The following NECTIN4 variants were observed in gnomAD, a reference collection of about 807,000 sequenced individuals.
NECTIN4 encodes the protein nectin-4.
In NECTIN4, 19 loss-of-function variants were observed where a neutral mutation model predicts 51.7. The observed-to-expected ratio is 0.37, with a 90% CI of 0.26 to 0.54. The LOEUF is 0.54. Ranked by LOEUF, NECTIN4 falls within the 20% of genes least tolerant of loss-of-function variation. The probability of loss-of-function intolerance (pLI) is 0.86; values close to 1 mark genes in which losing one functional copy is unlikely to be tolerated. For missense variants in NECTIN4, 619 were observed against 662.4 expected (o/e 0.93, Z 0.72); for synonymous variants, 283 against 286.9 (o/e 0.99, Z 0.14).
intron 1 of NECTIN4, chr1:161,084,914 T>G (rs1653864542): frequency 6.6e-6 from 1 of 151,708 alleles, no homozygotes; most frequent in Non-Finnish European, 1.5e-5. Flanking sequence ...CTTTGTTAAC[T>G]CCTGCCTCCC....
rs751755683 is a variant in NECTIN4 at position 161,079,754 on chromosome 1, G to A, written c.275C>T (p.Pro92Leu). 8 of 1,611,616 alleles carry A rather than the reference G, an allele frequency of 5.0e-6. No individual in the cohort carries two copies. In the Admixed American group the frequency reaches 1.3e-4, roughly 27 times the overall value. The part of the protein sequence containing the change: ...LHSKYGLHVS[P>L]AYEGRVEQPP... ...CTGCTCCACGCGGCCCTCGTAAGCC[G>A]GGCTCACATGAAGCCCGTATTTGGA... Residue 92 changes from proline to leucine, a missense_variant, in exon 2 of 9, where the codon CCG (proline) becomes CTG (leucine). This residue lies in a region of NECTIN4 where 218 missense variants were observed against 186.3 expected (regional missense o/e 1.17). Transcript: ENST00000368012.
Position 161,071,717 on chromosome 1 carries a change from G to C in NECTIN4, c.*944C>G, listed in dbSNP as rs1457918992. The C allele has an allele frequency of 6.6e-6, 1 of 151,610 alleles. No homozygotes were observed. 9.4% of individuals were successfully genotyped at this position (151,610 alleles called of 1,614,324 possible). Reference sequence around the variant, plus strand: ...TTAATTTTTTTTTTCTCTTCGTAAAGGATTCAAAGCAGGCACAGTGGTGTA... The same window carrying C: ...TTAATTTTTTTTTTCTCTTCGTAAACGATTCAAAGCAGGCACAGTGGTGTA... On this transcript the variant is annotated 3_prime_UTR_variant, in exon 9 of 9. Coordinates refer to ENST00000368012, the MANE Select transcript of NECTIN4 (RefSeq NM_030916.3).
rs1654105283 is a variant in NECTIN4 at position 161,089,523 on chromosome 1, A to G, written c.-227T>C. 1 of 579,724 alleles carries G rather than the reference A, an allele frequency of 1.7e-6. No individual in the cohort carries two copies. Among genetic ancestry groups the G allele is most frequent in the Non-Finnish European group, 3.1e-6 (1 of 323,680 alleles). 35.9% of individuals were successfully genotyped at this position (579,724 alleles called of 1,614,324 possible). On this transcript the variant is annotated 5_prime_UTR_variant, in exon 1 of 9. Transcript: ENST00000368012. The surrounding 1 kb of genome is among the most constrained non-coding windows in gnomAD (Gnocchi z 4.1). ...GTGATCGGGAGCTCCGAGCTCCCCC[A>G]GAGCTGCTTCCCACGCTGTGGCCAA...
intron 1 of NECTIN4, among the ~76,000 whole-genome samples, chr1:161,084,303 G>A (rs1035441756): frequency 1.3e-5 from 2 of 152,298 alleles, no homozygotes; most frequent in Admixed American, 6.5e-5. Context: ...ACATGATTCC[G>A]TGTGCATGTC....
chr1:161,077,535 C>T lies in NECTIN4; in HGVS notation c.648G>A (p.Met216Ile). Residue 216 changes from methionine (M) to isoleucine (I), a missense_variant, in exon 3 of 9, where the codon ATG becomes ATA. Around this residue, in one of 3 missense-constraint regions of NECTIN4, gnomAD observed 364 missense variants for 415.7 expected, o/e 0.88. Coordinates refer to ENST00000368012, the MANE Select transcript of NECTIN4 (RefSeq NM_030916.3). ...SEFHLVPSRSMNGQPLTCVVS... is the reference protein window; with the variant it reads ...SEFHLVPSRSINGQPLTCVVS... Reference sequence around the variant, plus strand: ...CCACACAAGTCAGTGGCTGCCCATTCATGCTGCGGCTAGGCACCAAGTGGA... The same window carrying T: ...CCACACAAGTCAGTGGCTGCCCATTTATGCTGCGGCTAGGCACCAAGTGGA... 1 of 1,614,092 alleles carries T rather than the reference C, an allele frequency of 6.2e-7. No homozygotes were observed. Among genetic ancestry groups the T allele is most frequent in the Non-Finnish European group, 8.5e-7 (1 of 1,180,040 alleles).
intron 1 of NECTIN4, chr1:161,086,772 CTCA>C (rs1653967200): frequency 6.6e-6 from 1 of 152,482 alleles, no homozygotes; most frequent in Non-Finnish European, 1.5e-5. Flanking sequence ...GGCCCTGGGG[CTCA>C]GAGCTCTAAT....
chr1:161,085,976 C>T (rs1028825990), intron 1 of NECTIN4, among the ~76,000 whole-genome samples: 5 of 152,198 alleles, frequency 3.3e-5, no homozygotes, highest in Non-Finnish European at 5.9e-5. Flanking sequence ...TGAGCCACCA[C>T]GCCTGGCCCC....
chr1:161,072,828 T>C lies in NECTIN4; in HGVS notation c.1366A>G (p.Thr456Ala). The change falls in exon 9 of 9, where the codon ACA becomes GCA. Residue 456 changes from threonine to alanine, a missense_variant. By Grantham distance (58) the Thr-to-Ala change is moderately conservative. Around this residue, in one of 3 missense-constraint regions of NECTIN4, gnomAD observed 364 missense variants for 415.7 expected, o/e 0.88. Coordinates refer to ENST00000368012, the MANE Select transcript of NECTIN4 (RefSeq NM_030916.3). Reference protein sequence around the residue: ...STLTTVREIETQTELLSPGSG... With the variant: ...STLTTVREIEAQTELLSPGSG... ...CCTGGAGACAGCAGTTCAGTCTGTG[T>C]TTCTATCTCCCTCACCGTGGTCAGC... 6.2e-7 allele frequency: 1 copy of C among 1,614,210 alleles called. No individual in the cohort carries two copies. Among genetic ancestry groups the C allele is most frequent in the Non-Finnish European group, 8.5e-7 (1 of 1,180,024 alleles).
intron 1 of NECTIN4, among the ~76,000 whole-genome samples, chr1:161,081,373 G>A (rs1311806644): frequency 6.6e-6 from 1 of 151,944 alleles, no homozygotes; most frequent in Non-Finnish European, 1.5e-5. Flanking sequence ...GGACAGTTCT[G>A]GGGGGAGATT....
rs1653464452 is a variant in NECTIN4 at position 161,077,481 on chromosome 1, T to C, written c.702A>G (p.Gln234=). 6.2e-7 allele frequency: 1 copy of C among 1,613,984 alleles called. No homozygotes were observed. Among genetic ancestry groups the C allele is most frequent in the Non-Finnish European group, 8.5e-7 (1 of 1,180,028 alleles). Residue 234 remains glutamine, a synonymous_variant, in exon 3 of 9, where the codon CAA becomes CAG. Coordinates refer to ENST00000368012, the MANE Select transcript of NECTIN4 (RefSeq NM_030916.3). ...VVSHPGLLQD[Q]RITHILHVSF... Reference sequence around the variant, plus strand: ...ACACGTGGAGGATGTGGGTGATCCTTTGGTCCTGGAGCAGGCCAGGATGGG... The same window carrying C: ...ACACGTGGAGGATGTGGGTGATCCTCTGGTCCTGGAGCAGGCCAGGATGGG...
intron 1 of NECTIN4, among the ~76,000 whole-genome samples, chr1:161,081,407 A>G (rs535582196): frequency 6.6e-6 from 1 of 152,148 alleles, no homozygotes; most frequent in Non-Finnish European, 1.5e-5. Context: ...GTCACTGACC[A>G]GAAAGAGAGA....
chr1:161,085,295 C>CA (rs1289687705), intron 1 of NECTIN4, among the ~76,000 whole-genome samples: 1 of 152,172 alleles, frequency 6.6e-6, no homozygotes, highest in African/African-American at 2.4e-5. Context: ...GGCCTTGAGG[C>CA]AGCCCCACTC....
At chr1:161,077,772 G>T (rs749772842) in intron 2 of NECTIN4, 29 bp from the exon 3 acceptor site, 4 of 1,591,856 alleles carry the variant, frequency 2.5e-6, no homozygotes, top group Non-Finnish European at 3.4e-6. Context: ...AGGGGTCACA[G>T]GTCTACACAA....
At chr1:161,074,405 A>T (rs973873736) in intron 5 of NECTIN4, 32 bp from the exon 6 acceptor site, 3 of 1,612,818 alleles carry the variant, frequency 1.9e-6, no homozygotes, top group African/African-American at 2.7e-5. Context: ...CTGAGGTGGA[A>T]GCCTGCAGCC....
chr1:161,076,713 A>G (rs1233035959), intron 3 of NECTIN4, among the ~76,000 whole-genome samples: 4 of 152,210 alleles, frequency 2.6e-5, no homozygotes, highest in Admixed American at 6.5e-5. Context: ...CAATGAGACC[A>G]TAAGTCCCTC....
intron 1 of NECTIN4, among the ~76,000 whole-genome samples, chr1:161,086,297 G>A (rs1325173327): frequency 1.3e-5 from 2 of 152,094 alleles, no homozygotes; most frequent in African/African-American, 2.4e-5. Flanking sequence ...TAAACACTAG[G>A]GTGGGAACAA....
intron 8 of NECTIN4, 128 bp downstream of exon 8, chr1:161,073,084 AGCAGAGATGCGGT>A (rs72015859): frequency 0.12 from 108,057 of 884,032 alleles, 6,519 homozygotes; most frequent in Non-Finnish European, 0.14. Context: ...ACAAAGACGT[AGCAGAGATGCGGT>A]GCTGGGCTGC....
Position 161,079,690 on chromosome 1 carries a change from G to A in NECTIN4, c.339C>T (p.Leu113=), listed in dbSNP as rs754237744. The A allele has an allele frequency of 6.2e-7, 1 of 1,607,794 alleles. No homozygotes were observed. The highest frequency in any genetic ancestry group is 8.5e-7 in the Non-Finnish European group (1 of 1,179,544). The change falls in exon 2 of 9, where the codon CTC becomes CTT. Residue 113 remains leucine, a synonymous_variant. Coordinates refer to ENST00000368012, the MANE Select transcript of NECTIN4 (RefSeq NM_030916.3). ...PPRNPLDGSV[L]LRNAVQADEG... is the part of the protein sequence containing the mutation. ...CATCCGCCTGCACTGCGTTGCGCAG[G>A]AGCACTGAGCCGTCCAGGGGGTTGC... is the stretch of plus-strand genomic sequence containing the variant.
rs772302133 is a variant in NECTIN4, at chr1:161,076,407, T to A, written c.799A>T (p.Met267Leu). The change falls in exon 4 of 9, where the codon ATG becomes TTG. Residue 267 changes from methionine (M) to leucine (L), a missense_variant. Physicochemically the swap from Met to Leu is conservative, Grantham distance 15. Coordinates refer to ENST00000368012, the MANE Select transcript of NECTIN4 (RefSeq NM_030916.3). ...TGCCCTTCACTCAGGCACTTGAGCA[T>A]AGCTCCTTCTCTGCCAATGTGCCAC... ...NLWHIGREGA[M>L]LKCLSEGQPP... 1 of 1,614,186 alleles carries A rather than the reference T, an allele frequency of 6.2e-7. No homozygotes were observed. The highest frequency in any genetic ancestry group is 1.1e-5 in the South Asian group (1 of 91,076).
Sources: gnomAD v4.1 joint callset for allele counts (sites outside exome capture counted in the v4.1 genomes callset) on GRCh38, gnomAD v4.1.1 for gene constraint, gnomAD v4.1.1 regional missense constraint, Gnocchi (gnomAD v3.1) non-coding constraint, MANE v1.5 for transcripts, NCBI Gene and HGNC (gene_info 2026-07-23, HGNC 2026-07-21) for gene names.